The following INSYN2B variants were observed in gnomAD, a reference collection of about 807,000 sequenced individuals.
INSYN2B encodes the protein inhibitory synaptic factor family member 2B.
A neutral mutation model predicts 41.2 loss-of-function variants in INSYN2B; 16 were observed. The ratio of observed to expected loss-of-function variants is 0.39; its 90% CI spans 0.26 to 0.59. The LOEUF is 0.59. Ranked by LOEUF, INSYN2B falls within the 20% of genes least tolerant of loss-of-function variation. The probability of loss-of-function intolerance (pLI) is 0.57; values close to 1 mark genes in which losing one functional copy is unlikely to be tolerated. For synonymous variants in INSYN2B, 245 were observed against 244.4 expected, an observed-to-expected ratio of 1.00 and a Z score of -0.02; for missense variants, 608 against 646.4, an observed-to-expected ratio of 0.94 and a Z score of 0.64.
chr5:169,919,875 C>A (rs761252422), intron 1 of INSYN2B, among the ~76,000 whole-genome samples: 1 of 152,118 alleles, frequency 6.6e-6, no homozygotes, highest in Non-Finnish European at 1.5e-5. Context: ...CATTAACCAG[C>A]AGATTAGTAT....
At position 169,861,572 on chromosome 5, in the gene INSYN2B, C is replaced by T. The variant is rs1026932434; in HGVS notation, c.*2701G>A. On this transcript the variant is annotated 3_prime_UTR_variant, in exon 4 of 4. Transcript: ENST00000377365. Reference sequence around the variant, plus strand: ...AGTAATTTTTGCTAAGTTAATATCTCTCCAGCAAACCAGATAACCTCAAGT... The same window carrying T: ...AGTAATTTTTGCTAAGTTAATATCTTTCCAGCAAACCAGATAACCTCAAGT... 3.3e-5 allele frequency among the ~76,000 whole-genome samples: 5 copies of T among 152,318 alleles called. No individual in the cohort carries two copies. Among genetic ancestry groups the T allele is most frequent in the Admixed American group, 6.5e-5 (1 of 15,302 alleles).
intron 1 of INSYN2B, among the ~76,000 whole-genome samples, chr5:169,892,274 ACT>A (rs1773342627): frequency 6.6e-6 from 1 of 152,176 alleles, no homozygotes; most frequent in Admixed American, 6.5e-5. Flanking sequence ...GGAAACTGAG[ACT>A]CTGAGCAGCT....
rs188669441 is a variant in INSYN2B at position 169,958,418 on chromosome 5, G to C, written c.-919+21859C>G. ...AGAAAATCTGCAAACTCCATCATCCGAATAACAGGGCTGATGGTTTAGAAT... is the reference window on the plus strand; with the variant it reads ...AGAAAATCTGCAAACTCCATCATCCCAATAACAGGGCTGATGGTTTAGAAT... On this transcript the variant is annotated intron_variant, in intron 1 of 3. Coordinates refer to ENST00000377365, the MANE Select transcript of INSYN2B (RefSeq NM_001129891.3). 1.6e-4 allele frequency among the ~76,000 whole-genome samples: 24 copies of C among 152,206 alleles called. No individual in the cohort carries two copies. The South Asian group carries it at 5.0e-3, about 32-fold the overall frequency.
intron 1 of INSYN2B, among the ~76,000 whole-genome samples, chr5:169,891,225 A>T (rs969770815): frequency 6.6e-6 from 1 of 152,076 alleles, no homozygotes; most frequent in African/African-American, 2.4e-5. Context: ...CAAGCCTGTT[A>T]TCTCCAGGAG....
At chr5:169,952,413 C>T (rs1287113744) in intron 1 of INSYN2B, among the ~76,000 whole-genome samples, 1 of 151,990 alleles carries the variant, frequency 6.6e-6, no homozygotes, top group Non-Finnish European at 1.5e-5. Flanking sequence ...ATTATGGCTC[C>T]CCTTTAAGTA....
At chr5:169,881,053 C>G (rs1332391575) in intron 3 of INSYN2B, among the ~76,000 whole-genome samples, 1 of 152,142 alleles carries the variant, frequency 6.6e-6, no homozygotes, top group Non-Finnish European at 1.5e-5. Flanking sequence ...TAGGAAAATG[C>G]TCTGTGTGAG....
At chr5:169,964,515 CT>C (rs1383152471) in intron 1 of INSYN2B, among the ~76,000 whole-genome samples, 1 of 152,230 alleles carries the variant, frequency 6.6e-6, no homozygotes, top group African/African-American at 2.4e-5. Context: ...CTGTGGCCAG[CT>C]CTTCTGCTGG....
intron 1 of INSYN2B, among the ~76,000 whole-genome samples, chr5:169,947,260 G>C (rs551801017): frequency 2.6e-4 from 40 of 152,334 alleles, no homozygotes; most frequent in African/African-American, 9.1e-4. Context: ...AAACTCACTT[G>C]AATGTATTAA....
chr5:169,950,618 A>T (rs1466318467), intron 1 of INSYN2B, among the ~76,000 whole-genome samples: 1 of 152,194 alleles, frequency 6.6e-6, no homozygotes, highest in Non-Finnish European at 1.5e-5. Context: ...CAGATTTTCT[A>T]TGTGACAGGA....
chr5:169,901,420 T>G (rs770844288), intron 1 of INSYN2B, among the ~76,000 whole-genome samples: 6 of 151,462 alleles, frequency 4.0e-5, no homozygotes, highest in Non-Finnish European at 7.4e-5. Flanking sequence ...TTACGAAGGG[T>G]GTGTGTGTGT....
chr5:169,935,295 G>A (rs1385787405), intron 1 of INSYN2B, among the ~76,000 whole-genome samples: 2 of 151,950 alleles, frequency 1.3e-5, no homozygotes, highest in East Asian at 1.9e-4. Context: ...GCTTTAACTC[G>A]ACCAAAAAAA....
rs543196736 is a variant in INSYN2B, at chr5:169,912,928, G to T, written c.-918-28112C>A. Among the ~76,000 whole-genome samples, 4 of 151,924 alleles carry T rather than the reference G, an allele frequency of 2.6e-5. No individual in the cohort carries two copies. The South Asian group carries it at 8.3e-4, about 32-fold the overall frequency. On this transcript the variant is annotated intron_variant, in intron 1 of 3. Transcript: ENST00000377365. Reference sequence around the variant, plus strand: ...TTCCTTGTCTAGAAGTAACATTTTAGGGTCTGCAGTTTTGAAGAAAGACAA... The same window carrying T: ...TTCCTTGTCTAGAAGTAACATTTTATGGTCTGCAGTTTTGAAGAAAGACAA...
At chr5:169,956,862 A>G (rs763022612) in intron 1 of INSYN2B, among the ~76,000 whole-genome samples, 12 of 152,148 alleles carry the variant, frequency 7.9e-5, no homozygotes, top group Non-Finnish European at 1.6e-4. Flanking sequence ...AATGCATCAA[A>G]TATAAGGAAA....
chr5:169,965,780 A>G (rs936260802), intron 1 of INSYN2B, among the ~76,000 whole-genome samples: 2 of 152,244 alleles, frequency 1.3e-5, no homozygotes, highest in African/African-American at 4.8e-5. Context: ...TTGATGTTAC[A>G]GATGAGGAAA....
intron 1 of INSYN2B, among the ~76,000 whole-genome samples, chr5:169,963,730 C>G (rs553779417): frequency 6.6e-6 from 1 of 152,260 alleles, no homozygotes; most frequent in East Asian, 1.9e-4. Context: ...TCCCTACCAG[C>G]AGCATTTTTC....
intron 1 of INSYN2B, among the ~76,000 whole-genome samples, chr5:169,962,718 T>C (rs534518098): frequency 6.6e-6 from 1 of 152,158 alleles, no homozygotes; most frequent in East Asian, 1.9e-4. Context: ...GAATGATAAC[T>C]CTTAGAGAGA....
intron 1 of INSYN2B, among the ~76,000 whole-genome samples, chr5:169,970,790 A>G (rs184989981): frequency 6.6e-6 from 1 of 152,336 alleles, no homozygotes; most frequent in East Asian, 1.9e-4. Context: ...ATTAGTAGAT[A>G]TGGGGCTTTA....
chr5:169,908,558 A>G (rs1443145396), intron 1 of INSYN2B, among the ~76,000 whole-genome samples: 1 of 152,146 alleles, frequency 6.6e-6, no homozygotes, highest in African/African-American at 2.4e-5. Flanking sequence ...CTTAAAGCAT[A>G]TGGGTCCTGG....
At chr5:169,879,450 G>C (rs141811009) in intron 3 of INSYN2B, among the ~76,000 whole-genome samples, 1 of 152,126 alleles carries the variant, frequency 6.6e-6, no homozygotes, top group Non-Finnish European at 1.5e-5. Flanking sequence ...TTAATTGCCC[G>C]TTCCCTTGCA....
Sources: allele counts gnomAD v4.1 joint callset (sites outside exome capture counted in the v4.1 genomes callset), GRCh38; gene constraint gnomAD v4.1.1; transcripts MANE v1.5; gene names NCBI Gene and HGNC (gene_info 2026-07-23, HGNC 2026-07-21).